Variants in SPATA31A6 observed in about 807,000 individuals in gnomAD.
SPATA31A6 encodes the protein SPATA31 subfamily A member 6, also known as spermatogenesis-associated protein 31A6.
SPATA31A6 carries 9 observed loss-of-function variants against 11.9 expected under a neutral mutation model. The ratio of observed to expected loss-of-function variants is 0.76; its 90% CI spans 0.46 to 1.32. The LOEUF is 1.32. SPATA31A6 is among the 40% of genes most tolerant of loss of function. SPATA31A6 has a pLI of 0.00. For missense variants in SPATA31A6, 855 were observed against 1,467.3 expected (o/e 0.58, Z 6.82); for synonymous variants, 314 against 572.1 (o/e 0.55, Z 6.44).
At position 42,186,889 on chromosome 9, in the gene SPATA31A6, A is replaced by T. The variant is rs1829464056; in HGVS notation, c.1187A>T (p.Gln396Leu). 3 of 1,538,008 alleles carry T rather than the reference A, an allele frequency of 2.0e-6. 1 individual carries two copies. In the African/African-American group the frequency reaches 4.6e-5, roughly 24 times the overall value. The change falls in exon 4 of 4, where the codon CAG (glutamine) becomes CTG (leucine). Residue 396 changes from glutamine (Q) to leucine (L), a missense_variant. Physicochemically the swap from Gln to Leu is moderately radical, Grantham distance 113 (BLOSUM62 -2). Transcript: ENST00000332857. ...GENSKQLPGP[Q>L]KCSDPRLLQE... The stretch of plus-strand genomic sequence containing the variant: ...AACTCGAAACAGCTGCCCGGACCTC[A>T]GAAGTGCTCAGATCCTAGGCTCTTG...
At chr9:42,184,621 C>T (rs1333054116) in intron 1 of SPATA31A6, among the ~76,000 whole-genome samples, 1 of 135,598 alleles carries the variant, frequency 7.4e-6, no homozygotes, top group Non-Finnish European at 1.6e-5. Context: ...CCTCTGCTTC[C>T]CGAGTTCAAG....
rs1360882185 is a variant in SPATA31A6, at chr9:42,189,159, C to A, written c.3457C>A (p.Pro1153Thr). Residue 1153 changes from proline (P) to threonine (T), a missense_variant, in exon 4 of 4, where the codon CCT (proline) becomes ACT (threonine). Coordinates refer to ENST00000332857, the MANE Select transcript of SPATA31A6 (RefSeq NM_001145196.1). ...GVQLLPSKKQ[P>T]PSVSHFGENI... ...CCAGCTACTGCCATCAAAGAAACAG[C>A]CTCCTTCAGTAAGCCACTTTGGAGA... 8 of 1,544,702 alleles carry A rather than the reference C, an allele frequency of 5.2e-6. 2 individuals are homozygous for A. The highest frequency in any genetic ancestry group is 2.4e-5 in the East Asian group (1 of 42,072).
In SPATA31A6 at chr9:42,184,207, C is replaced by A. The variant is rs1341246037; in HGVS notation, c.189+331C>A. ...AGGCCCTGAGCCCTGGCTCATCAGC[C>A]CCTTTCTGGGGCAGGTGGCTCAGGG... On this transcript the variant is annotated intron_variant, in intron 1 of 3. Transcript: ENST00000332857. Among the ~76,000 whole-genome samples, 28 of 137,526 alleles carry A rather than the reference C, an allele frequency of 2.0e-4. 3 individuals are homozygous for A. The highest frequency in any genetic ancestry group is 6.7e-4 in the African/African-American group (23 of 34,268). 90.2% of individuals were successfully genotyped at this position (137,526 alleles called of 152,430 possible).
At position 42,186,836 on chromosome 9, in the gene SPATA31A6, C is replaced by T; in HGVS notation, c.1134C>T (p.Asn378=). The change falls in exon 4 of 4, where the codon AAC becomes AAT. Residue 378 remains asparagine, a synonymous_variant. Coordinates refer to ENST00000332857, the MANE Select transcript of SPATA31A6 (RefSeq NM_001145196.1). Reference sequence around the variant, plus strand: ...TGGATGCTGAGCAGGACACCACAAACCCAAAACCCTTCTGGAACATGGGAG... The same window carrying T: ...TGGATGCTGAGCAGGACACCACAAATCCAAAACCCTTCTGGAACATGGGAG... ...KSLDAEQDTT[N]PKPFWNMGEN... 1 of 1,535,264 alleles carries T rather than the reference C, an allele frequency of 6.5e-7. No individual in the cohort carries two copies. The highest frequency in any genetic ancestry group is 8.8e-7 in the Non-Finnish European group (1 of 1,142,228).
rs775268355 is a variant in SPATA31A6 at position 42,188,940 on chromosome 9, G to A, written c.3238G>A (p.Val1080Met). The change falls in exon 4 of 4, where the codon GTG becomes ATG. Residue 1080 changes from valine (V) to methionine (M), a missense_variant. Coordinates refer to ENST00000332857, the MANE Select transcript of SPATA31A6 (RefSeq NM_001145196.1). ...CATGGCAGCCAGAAGGAGCAAACTG[G>A]TGCAAGAGGAGCCCAGAAACCCAAA... ...DLMAARRSKL[V>M]QEEPRNPNCQ... is the part of the protein sequence containing the mutation. 4 of 1,541,668 alleles carry A rather than the reference G, an allele frequency of 2.6e-6. No individual in the cohort carries two copies. The highest frequency in any genetic ancestry group is 2.3e-5 in the South Asian group (2 of 86,882).
rs746849669 is a variant in SPATA31A6, at chr9:42,186,605, T to G, written c.903T>G (p.Pro301=). 3.3e-6 allele frequency: 5 copies of G among 1,532,764 alleles called. 2 individuals carry two copies. Among genetic ancestry groups the G allele is most frequent in the Non-Finnish European group, 4.4e-6 (5 of 1,137,124 alleles). The allele number at this position is 1,532,764 out of a possible 1,614,324, so 94.9% of individuals were successfully genotyped here. A position where few individuals can be genotyped will look rare whatever the true frequency, so the allele number is the denominator to read the frequency against. The stretch of plus-strand genomic sequence containing the variant: ...TTAACTCATCAGTCCAGCAAGATCC[T>G]CTTTCCCGCCACCCACCAGAGACCT... ...CAFNSSVQQD[P]LSRHPPETCQ... is the part of the protein sequence containing the mutation. The change falls in exon 4 of 4, where the codon CCT becomes CCG. Residue 301 remains proline, a synonymous_variant. Coordinates refer to ENST00000332857, the MANE Select transcript of SPATA31A6 (RefSeq NM_001145196.1).
At chr9:42,184,777 C>A (rs1829414604) in intron 1 of SPATA31A6, among the ~76,000 whole-genome samples, 1 of 137,030 alleles carries the variant, frequency 7.3e-6, no homozygotes, top group South Asian at 2.3e-4. Flanking sequence ...ATCAACCCAC[C>A]TTGGCCTCCC....
At position 42,185,890 on chromosome 9, in the gene SPATA31A6, G is replaced by A. The variant is rs1432340620; in HGVS notation, c.309-121G>A. The A allele has an allele frequency of 8.1e-6, 12 of 1,472,688 alleles. 2 individuals carry two copies. In the African/African-American group the frequency reaches 1.7e-4, roughly 21 times the overall value. 91.2% of individuals were successfully genotyped at this position (1,472,688 alleles called of 1,614,324 possible). On this transcript the variant is annotated intron_variant, in intron 3 of 3. Coordinates refer to ENST00000332857, the MANE Select transcript of SPATA31A6 (RefSeq NM_001145196.1). ...ATGGGAGTAAAACCCTGGGGCGAGGGGTAGCAGGAGAATTGGGCAATCAGG... is the reference window on the plus strand; with the variant it reads ...ATGGGAGTAAAACCCTGGGGCGAGGAGTAGCAGGAGAATTGGGCAATCAGG...
intron 2 of SPATA31A6, among the ~76,000 whole-genome samples, 165 bp from the exon 3 acceptor site, chr9:42,185,530 C>A (rs1175815382): frequency 7.3e-6 from 1 of 137,602 alleles, no homozygotes; most frequent in Non-Finnish European, 1.6e-5. Context: ...AAAGCCCTGT[C>A]CTCCATGCCT....
chr9:42,184,439 CTGTGTGTGTGTGTGTGTGTG>C (rs71364261), intron 1 of SPATA31A6, among the ~76,000 whole-genome samples: 5 of 102,058 alleles, frequency 4.9e-5, no homozygotes, highest in Non-Finnish European at 5.8e-5. Flanking sequence ...GAAAATCCCT[CTGTGTGTGTGTGTGTGTGTG>C]TGTGTGTGTG....
At position 42,187,152 on chromosome 9, in the gene SPATA31A6, C is replaced by G. The variant is rs142810770; in HGVS notation, c.1450C>G (p.Gln484Glu). Residue 484 changes from glutamine (Q) to glutamate (E), a missense_variant, in exon 4 of 4, where the codon CAA (glutamine) becomes GAA (glutamate). Physicochemically the swap from Gln to Glu is conservative, Grantham distance 29 (BLOSUM62 2). Coordinates refer to ENST00000332857, the MANE Select transcript of SPATA31A6 (RefSeq NM_001145196.1). ...HRQPFISSTP[Q>E]FLPTPMAQAE... is the part of the protein sequence containing the mutation. ...CCAACCCTTTATTTCATCCACACCC[C>G]AATTCCTGCCCACACCTATGGCTCA... 6.5e-7 allele frequency: 1 copy of G among 1,542,892 alleles called. No homozygotes were observed. The highest frequency in any genetic ancestry group is 8.8e-7 in the Non-Finnish European group (1 of 1,137,828).
chr9:42,186,902 T>A lies in SPATA31A6; in HGVS notation c.1200T>A (p.Asp400Glu). ...TGCCCGGACCTCAGAAGTGCTCAGA[T>A]CCTAGGCTCTTGCAGGAAAGTTTTT... ...KQLPGPQKCS[D>E]PRLLQESFWK... The change falls in exon 4 of 4, where the codon GAT becomes GAA. Residue 400 changes from aspartate (D) to glutamate (E), a missense_variant. Transcript: ENST00000332857. The A allele has an allele frequency of 6.5e-7, 1 of 1,539,068 alleles. No homozygotes were observed. The highest frequency in any genetic ancestry group is 8.8e-7 in the Non-Finnish European group (1 of 1,142,486).
In SPATA31A6 at chr9:42,185,249, C is replaced by G; in HGVS notation, c.247+123C>G. On this transcript the variant is annotated intron_variant, in intron 2 of 3. Transcript: ENST00000332857. The stretch of plus-strand genomic sequence containing the variant: ...GCTCCTAGGAAGGAAATCAGAACCC[C>G]GGGTCCTTCTCAGATTCCATGCGGG... 2.4e-6 allele frequency: 3 copies of G among 1,257,730 alleles called. 1 individual carries two copies. Among genetic ancestry groups the G allele is most frequent in the South Asian group, 2.7e-5 (2 of 75,182 alleles). 77.9% of individuals were successfully genotyped at this position (1,257,730 alleles called of 1,614,324 possible). A position where few individuals can be genotyped will look rare whatever the true frequency, so the allele number is the denominator to read the frequency against.
At position 42,187,141 on chromosome 9, in the gene SPATA31A6, C is replaced by T; in HGVS notation, c.1439C>T (p.Ser480Leu). Residue 480 changes from serine (S) to leucine (L), a missense_variant, in exon 4 of 4, where the codon TCA (serine) becomes TTA (leucine). Physicochemically the swap from Ser to Leu is moderately radical, Grantham distance 145. Coordinates refer to ENST00000332857, the MANE Select transcript of SPATA31A6 (RefSeq NM_001145196.1). ...QPLSHRQPFI[S>L]STPQFLPTPM... ...CTGTCCCACCGCCAACCCTTTATTT[C>T]ATCCACACCCCAATTCCTGCCCACA... 11 of 1,542,750 alleles carry T rather than the reference C, an allele frequency of 7.1e-6. 1 individual carries two copies. The highest frequency in any genetic ancestry group is 9.7e-6 in the Non-Finnish European group (11 of 1,137,728).
Position 42,183,676 on chromosome 9 carries a change from G to A in SPATA31A6, c.-12G>A, listed in dbSNP as rs199522709. On this transcript the variant is annotated 5_prime_UTR_variant, in exon 1 of 4. The change creates a new upstream start codon in the 5' untranslated region. Coordinates refer to ENST00000332857, the MANE Select transcript of SPATA31A6 (RefSeq NM_001145196.1). ...CAGAGCTCAGTTGCTTGAAAGCAACGTGCCTATTCACATGGAGAATCTTCC... is the reference window on the plus strand; with the variant it reads ...CAGAGCTCAGTTGCTTGAAAGCAACATGCCTATTCACATGGAGAATCTTCC... 6.2e-4 allele frequency: 945 copies of A among 1,527,628 alleles called. 185 individuals carry two copies. In the East Asian group the frequency reaches 0.02, roughly 32 times the overall value. 94.6% of individuals were successfully genotyped at this position (1,527,628 alleles called of 1,614,324 possible). A position where few individuals can be genotyped will look rare whatever the true frequency, so the allele number is the denominator to read the frequency against.
chr9:42,185,118 G>T lies in SPATA31A6; in HGVS notation c.239G>T (p.Ser80Ile). The change falls in exon 2 of 4, where the codon AGT becomes ATT. Residue 80 changes from serine (S) to isoleucine (I), a missense_variant. Coordinates refer to ENST00000332857, the MANE Select transcript of SPATA31A6 (RefSeq NM_001145196.1). Reference protein sequence around the residue: ...RRPRGRMKNHSLRAGRECPRG... With the variant: ...RRPRGRMKNHILRAGRECPRG... ...CCCAGAGGCAGGATGAAAAACCACA[G>T]TCTGAGAGGTAAGGCTCTGCCAGAG... 6.5e-7 allele frequency: 1 copy of T among 1,543,478 alleles called. No homozygotes were observed. Among genetic ancestry groups the T allele is most frequent in the South Asian group, 1.2e-5 (1 of 86,950 alleles).
Position 42,189,366 on chromosome 9 carries a change from G to T in SPATA31A6, c.3664G>T (p.Ala1222Ser). Residue 1222 changes from alanine to serine, a missense_variant, in exon 4 of 4, where the codon GCG becomes TCG. Ala to Ser is a moderately conservative substitution (Grantham distance 99). Coordinates refer to ENST00000332857, the MANE Select transcript of SPATA31A6 (RefSeq NM_001145196.1). Reference sequence around the variant, plus strand: ...GGACAAGAAAATGTCACTTTGCCATGCGCACCATGCCTCGAAGGTAAATCA... The same window carrying T: ...GGACAAGAAAATGTCACTTTGCCATTCGCACCATGCCTCGAAGGTAAATCA... ...MLDKKMSLCH[A>S]HHASKVNQHK... The T allele has an allele frequency of 1.9e-6, 3 of 1,540,422 alleles. 1 individual carries two copies. Among genetic ancestry groups the T allele is most frequent in the Middle Eastern group, 1.7e-4 (1 of 5,728 alleles).
Position 42,189,699 on chromosome 9 carries a change from T to G in SPATA31A6, c.3997T>G (p.Cys1333Gly). ...CGGTGCCTCTAGCCACCATCACCACTGTCCAAGGCACTGTCTTCTTTGGGA... is the reference window on the plus strand; with the variant it reads ...CGGTGCCTCTAGCCACCATCACCACGGTCCAAGGCACTGTCTTCTTTGGGA... ...TSGASSHHHH[C>G]PRHCLLWEGI is the part of the protein sequence containing the mutation. Residue 1333 changes from cysteine (C) to glycine (G), a missense_variant, in exon 4 of 4, where the codon TGT becomes GGT. Physicochemically the swap from Cys to Gly is radical, Grantham distance 159 (BLOSUM62 -3). Coordinates refer to ENST00000332857, the MANE Select transcript of SPATA31A6 (RefSeq NM_001145196.1). 6.6e-7 allele frequency: 1 copy of G among 1,511,616 alleles called. No homozygotes were observed. Among genetic ancestry groups the G allele is most frequent in the South Asian group, 1.2e-5 (1 of 85,206 alleles). The allele number at this position is 1,511,616 out of a possible 1,614,324, so 93.6% of individuals were successfully genotyped here.
rs778624956 is a variant in SPATA31A6 at position 42,186,915 on chromosome 9, C to A, written c.1213C>A (p.Gln405Lys). The A allele has an allele frequency of 1.3e-6, 2 of 1,540,076 alleles. No individual in the cohort carries two copies. The highest frequency in any genetic ancestry group is 1.8e-6 in the Non-Finnish European group (2 of 1,142,426). Reference protein sequence around the residue: ...PQKCSDPRLLQESFWKNYSQL... With the variant: ...PQKCSDPRLLKESFWKNYSQL... Reference sequence around the variant, plus strand: ...GAAGTGCTCAGATCCTAGGCTCTTGCAGGAAAGTTTTTGGAAGAATTATAG... The same window carrying A: ...GAAGTGCTCAGATCCTAGGCTCTTGAAGGAAAGTTTTTGGAAGAATTATAG... The change falls in exon 4 of 4, where the codon CAG (glutamine) becomes AAG (lysine). Residue 405 changes from glutamine (Q) to lysine (K), a missense_variant. Transcript: ENST00000332857.
Sources: allele counts gnomAD v4.1 joint callset (sites outside exome capture counted in the v4.1 genomes callset), GRCh38; gene constraint gnomAD v4.1.1; transcripts MANE v1.5; gene names NCBI Gene and HGNC (gene_info 2026-07-23, HGNC 2026-07-21).